Variants in SH3D21 observed in about 807,000 individuals in gnomAD.
SH3D21 encodes the protein manchette microtubule inner protein 1.
SH3D21 carries 83 observed loss-of-function variants against 82.1 expected under a neutral mutation model. That is an observed-to-expected ratio of 1.01 (90% CI 0.85 to 1.21). SH3D21 has a LOEUF of 1.21. SH3D21 is among the 50% of genes most tolerant of loss of function. The probability of loss-of-function intolerance (pLI) is 0.00; values close to 1 mark genes in which losing one functional copy is unlikely to be tolerated. For synonymous variants in SH3D21, 383 were observed against 387.8 expected (o/e 0.99, Z 0.15); for missense variants, 980 against 962.1 (o/e 1.02, Z -0.25).
In SH3D21 at chr1:36,320,300, G is replaced by T. The variant is rs1455716563; in HGVS notation, c.1637G>T (p.Cys546Phe). The change falls in exon 14 of 16, where the codon TGC becomes TTC. Residue 546 changes from cysteine (C) to phenylalanine (F), a missense_variant. Transcript: ENST00000453908. ...CCCCAGCCTCCTTCCTCAGAGAGGT[G>T]CCTGGGAGAGATGAAATGTACCCTA... is the stretch of plus-strand genomic sequence containing the variant. ...PPPQPPSSER[C>F]LGEMKCTLVR... is the part of the protein sequence containing the mutation. The T allele has an allele frequency of 1.2e-6, 2 of 1,612,768 alleles. No individual in the cohort carries two copies. The highest frequency in any genetic ancestry group is 2.2e-5 in the East Asian group (1 of 44,874).
intron 10 of SH3D21, among the ~76,000 whole-genome samples, chr1:36,315,459 C>T (rs10908297): frequency 0.79 from 120,374 of 151,664 alleles, 49,316 homozygotes; most frequent in East Asian, 0.94. Context: ...AAGCGATTCT[C>T]CCGCCTTAGC....
At chr1:36,319,206 G>A in intron 11 of SH3D21, 42 bp downstream of exon 11, 3 of 1,550,538 alleles carry the variant, frequency 1.9e-6, no homozygotes, top group Non-Finnish European at 2.6e-6. Flanking sequence ...GAGGGTAGGA[G>A]GCAACGCCCC....
intron 9 of SH3D21, among the ~76,000 whole-genome samples, 189 bp from the exon 10 acceptor site, chr1:36,309,359 G>T (rs1646192795): frequency 6.6e-6 from 1 of 152,098 alleles, no homozygotes; most frequent in Non-Finnish European, 1.5e-5. Flanking sequence ...ACCACATCCA[G>T]CTAATTTTTG....
chr1:36,309,520 G>A, intron 9 of SH3D21, 28 bp from the exon 10 acceptor site: 1 of 1,551,160 alleles, frequency 6.4e-7, no homozygotes, highest in Non-Finnish European at 8.7e-7. Flanking sequence ...GATTAAGGAT[G>A]CTCAACCTTT....
At chr1:36,322,206 G>A, downstream of SH3D21, 1 of 1,390,656 alleles carries the variant, frequency 7.2e-7, no homozygotes, top group Middle Eastern at 2.6e-4. Context: ...GGAGCTGTGG[G>A]GGCCGAGGCA....
chr1:36,320,863 C>T, intron 14 of SH3D21, 52 bp from the exon 15 acceptor site: 1 of 1,550,978 alleles, frequency 6.4e-7, no homozygotes, highest in Non-Finnish European at 8.7e-7. Context: ...TGCGCAGCCC[C>T]TCACCTCCAG....
At chr1:36,323,019 C>T (rs774816542), downstream of SH3D21, 12 of 1,599,634 alleles carry the variant, frequency 7.5e-6, no homozygotes, top group Admixed American at 5.5e-5. Context: ...AACTCCATGT[C>T]CCTTCGCGGG....
chr1:36,322,815 C>T, downstream of SH3D21: 4 of 1,486,234 alleles, frequency 2.7e-6, no homozygotes, highest in Non-Finnish European at 3.7e-6. Flanking sequence ...GGTGTGGGGG[C>T]GAGGCCTGTA....
chr1:36,313,358 A>C, intron 10 of SH3D21, among the ~76,000 whole-genome samples: 1 of 49,796 alleles, frequency 2.0e-5, no homozygotes, highest in African/African-American at 6.9e-5. Flanking sequence ...AATAAATAAG[A>C]TGGGAATCAT....
chr1:36,307,805 G>C lies in SH3D21; in HGVS notation c.472G>C (p.Gly158Arg). 1 of 1,551,650 alleles carries C rather than the reference G, an allele frequency of 6.4e-7. No individual in the cohort carries two copies. Among genetic ancestry groups the C allele is most frequent in the Non-Finnish European group, 8.7e-7 (1 of 1,146,912 alleles). Residue 158 changes from glycine to arginine, a missense_variant, in exon 6 of 16, where the codon GGT becomes CGT. Transcript: ENST00000453908. This position sits in a 1 kb window ranked among gnomAD's most constrained non-coding sequence, Gnocchi z 5.4. ...GNPDMPSVSPGPQRPPKLSSL... is the reference protein window; with the variant it reads ...GNPDMPSVSPRPQRPPKLSSL... ...CCCAGACATGCCTTCAGTCAGCCCT[G>C]GTCCCCAGCGGCCTCCCAAGGTAAG...
At chr1:36,310,157 T>C (rs1299624199) in intron 10 of SH3D21, among the ~76,000 whole-genome samples, 1 of 152,048 alleles carries the variant, frequency 6.6e-6, no homozygotes, top group Non-Finnish European at 1.5e-5. Context: ...GGTTTCACCA[T>C]GTTAGCCAGG....
downstream of SH3D21, chr1:36,322,321 T>G: frequency 6.4e-7 from 1 of 1,557,838 alleles, no homozygotes; most frequent in Non-Finnish European, 8.6e-7. Context: ...CGGCCCAGGG[T>G]GCCCGTGGCC....
chr1:36,307,860 G>A lies in SH3D21; in HGVS notation c.492+35G>A, dbSNP rs1305144472. Reference sequence around the variant, plus strand: ...CTCAGAGTAGGCACAGAGGTGGTGAGTTCCTCTTGGGGTGGTTGGAGGCTC... The same window carrying A: ...CTCAGAGTAGGCACAGAGGTGGTGAATTCCTCTTGGGGTGGTTGGAGGCTC... On this transcript the variant is annotated intron_variant, in intron 6 of 15. Transcript: ENST00000453908. This position sits in a 1 kb window ranked among gnomAD's most constrained non-coding sequence, Gnocchi z 5.4. 3.9e-6 allele frequency: 6 copies of A among 1,551,624 alleles called. No individual in the cohort carries two copies. In the Admixed American group the frequency reaches 1.2e-4, roughly 30 times the overall value.
chr1:36,323,915 T>G (rs1646513095), downstream of SH3D21: 1 of 152,288 alleles, frequency 6.6e-6, no homozygotes, highest in South Asian at 2.1e-4. Context: ...CCCTGCGACG[T>G]GATACCATTA....
At chr1:36,313,932 T>C (rs1646288257) in intron 10 of SH3D21, among the ~76,000 whole-genome samples, 1 of 150,900 alleles carries the variant, frequency 6.6e-6, no homozygotes, top group South Asian at 2.1e-4. Flanking sequence ...GTGGCTTTGA[T>C]TTGCATTTCT....
downstream of SH3D21, chr1:36,328,211 C>T (rs902960558): frequency 2.2e-6 from 1 of 445,274 alleles, no homozygotes; most frequent in Non-Finnish European, 4.5e-6. Context: ...AGATCCAGAG[C>T]CTATGGGAGG....
Position 36,319,739 on chromosome 1 carries a change from C to T in SH3D21, c.1076C>T (p.Thr359Ile). The change falls in exon 14 of 16, where the codon ACT (threonine) becomes ATT (isoleucine). Residue 359 changes from threonine to isoleucine, a missense_variant. Transcript: ENST00000453908. ...SVKRTPMPDK[T>I]ATPERPPAPE... is the part of the protein sequence containing the mutation. ...AAGAGAACCCCCATGCCGGACAAGACTGCCACCCCAGAGAGGCCCCCAGCT... is the reference window on the plus strand; with the variant it reads ...AAGAGAACCCCCATGCCGGACAAGATTGCCACCCCAGAGAGGCCCCCAGCT... The T allele has an allele frequency of 6.3e-7, 1 of 1,599,018 alleles. No individual in the cohort carries two copies. The highest frequency in any genetic ancestry group is 8.5e-7 in the Non-Finnish European group (1 of 1,174,190).
At chr1:36,321,448 G>C (rs1035251556), downstream of SH3D21, 1 of 1,136,292 alleles carries the variant, frequency 8.8e-7, no homozygotes, top group Admixed American at 4.0e-5. The surrounding 1 kb of genome is among the most constrained non-coding windows in gnomAD (Gnocchi z 6.1). Context: ...TGGCGGGCAG[G>C]AGGGGCCCAG....
At chr1:36,322,850 A>C, downstream of SH3D21, 1 of 1,507,652 alleles carries the variant, frequency 6.6e-7, no homozygotes, top group Non-Finnish European at 9.1e-7. Context: ...GGCATTAGGG[A>C]ACCGCCAGCG....
Sources: allele counts gnomAD v4.1 joint callset (sites outside exome capture counted in the v4.1 genomes callset), GRCh38; gene constraint gnomAD v4.1.1; non-coding constraint Gnocchi (gnomAD v3.1); transcripts MANE v1.5; gene names NCBI Gene and HGNC (gene_info 2026-07-23, HGNC 2026-07-21).